The following KAZN variants were observed in gnomAD, a reference collection of about 807,000 sequenced individuals.
The protein encoded by KAZN is kazrin, periplakin interacting protein.
Under a neutral mutation model 87.4 loss-of-function variants are expected in KAZN, and 40 were observed. That is an observed-to-expected ratio of 0.46 (90% CI 0.36 to 0.60). The LOEUF (loss-of-function observed/expected upper bound fraction) is 0.60, where lower values mean the gene tolerates loss of function less well. Among genes scored for constraint, KAZN ranks in the 20% least tolerant of loss-of-function variants. The pLI, the probability that KAZN is intolerant of heterozygous loss-of-function variation, is 0.00. For synonymous variants in KAZN, 466 were observed against 458.3 expected (o/e 1.02, Z -0.22); for missense variants, 898 against 1,073.9 (o/e 0.84, Z 2.29).
At chr1:14,164,723 A>G (rs960331922) in intron 1 of KAZN, among the ~76,000 whole-genome samples, 1 of 151,922 alleles carries the variant, frequency 6.6e-6, no homozygotes, top group Non-Finnish European at 1.5e-5. Flanking sequence ...TACTTTTAGT[A>G]CAGATGGGGT....
intron 2 of KAZN, among the ~76,000 whole-genome samples, chr1:15,027,145 G>A (rs1308087902): frequency 3.0e-5 from 4 of 134,462 alleles, no homozygotes; most frequent in East Asian, 2.4e-4. Context: ...GCAGTGGCGC[G>A]ATCTCGGCTC....
intron 2 of KAZN, among the ~76,000 whole-genome samples, chr1:14,329,725 TTAAC>T (rs1212869842): frequency 6.6e-6 from 1 of 152,142 alleles, no homozygotes; most frequent in Non-Finnish European, 1.5e-5. Flanking sequence ...GCCCACTTAT[TTAAC>T]TTTCTTGGAT....
At chr1:14,227,156 A>C (rs1647363870) in intron 2 of KAZN, among the ~76,000 whole-genome samples, 1 of 152,148 alleles carries the variant, frequency 6.6e-6, no homozygotes, top group Non-Finnish European at 1.5e-5. Flanking sequence ...GACAACCTCA[A>C]ATACAGATTG....
chr1:14,153,024 A>T (rs979725632), intron 1 of KAZN, among the ~76,000 whole-genome samples: 2 of 152,152 alleles, frequency 1.3e-5, no homozygotes. Flanking sequence ...TCTTTCGCCC[A>T]CTTAAAAATC....
chr1:15,062,819 C>T (rs1638904703), intron 6 of KAZN: 1 of 152,198 alleles, frequency 6.6e-6, no homozygotes, highest in African/African-American at 2.4e-5. Context: ...GGGCTGGCAA[C>T]ACAATGGAAA....
chr1:14,931,622 A>G (rs1659836016), intron 1 of KAZN, among the ~76,000 whole-genome samples: 1 of 152,024 alleles, frequency 6.6e-6, no homozygotes, highest in South Asian at 2.1e-4. Context: ...CTCCCCCGCC[A>G]GGAATCTGGA....
chr1:14,981,726 C>T (rs746411951), intron 2 of KAZN, among the ~76,000 whole-genome samples: 4 of 152,196 alleles, frequency 2.6e-5, no homozygotes, highest in Non-Finnish European at 5.9e-5. Flanking sequence ...ACAAGCTGTG[C>T]GACTGTCCAT....
intron 2 of KAZN, among the ~76,000 whole-genome samples, chr1:14,506,408 C>T (rs998991331): frequency 3.9e-5 from 6 of 152,306 alleles, no homozygotes; most frequent in Admixed American, 2.6e-4. Flanking sequence ...CCATGATCAT[C>T]GTTTATACCT....
chr1:14,743,823 G>C (rs553674617), intron 1 of KAZN, among the ~76,000 whole-genome samples: 3 of 152,248 alleles, frequency 2.0e-5, no homozygotes, highest in African/African-American at 7.2e-5. Flanking sequence ...TCCTGGAGTT[G>C]ATCTCAGGTC....
chr1:14,525,585 A>G (rs1161207044), intron 2 of KAZN, among the ~76,000 whole-genome samples: 3 of 152,146 alleles, frequency 2.0e-5, no homozygotes, highest in Admixed American at 2.0e-4. Context: ...TGCAAACACT[A>G]TTCTTAGCTT....
At chr1:13,948,491 T>A (rs12137764) in intron 1 of KAZN, among the ~76,000 whole-genome samples, 14,462 of 152,252 alleles carry the variant, frequency 0.095, 765 homozygotes, top group Middle Eastern at 0.14. Context: ...TGAAGAACTG[T>A]GTCAATTAAA....
intron 1 of KAZN, among the ~76,000 whole-genome samples, chr1:14,744,920 C>T (rs1644218726): frequency 6.6e-6 from 1 of 152,166 alleles, no homozygotes; most frequent in Admixed American, 6.5e-5. Context: ...TCCCCAAGGT[C>T]ATCACTGCCC....
At chr1:14,680,530 G>A (rs1208530893) in intron 1 of KAZN, among the ~76,000 whole-genome samples, 1 of 152,098 alleles carries the variant, frequency 6.6e-6, no homozygotes, top group Non-Finnish European at 1.5e-5. Context: ...ATGTGCCATG[G>A]TGGTTTGCTG....
At chr1:14,280,957 T>G (rs992287696) in intron 2 of KAZN, among the ~76,000 whole-genome samples, 2 of 152,192 alleles carry the variant, frequency 1.3e-5, no homozygotes, top group African/African-American at 4.8e-5. Flanking sequence ...ACACAGGCAG[T>G]ACACAGCCAG....
chr1:14,425,372 A>G (rs1665663651), intron 2 of KAZN, among the ~76,000 whole-genome samples: 1 of 152,196 alleles, frequency 6.6e-6, no homozygotes, highest in South Asian at 2.1e-4. Flanking sequence ...CCACCCCAGA[A>G]GCCAGCTTAC....
At chr1:14,608,621 C>A (rs1001908637) in intron 1 of KAZN, among the ~76,000 whole-genome samples, 2 of 152,118 alleles carry the variant, frequency 1.3e-5, no homozygotes, top group African/African-American at 4.8e-5. Flanking sequence ...AGAGAAAGAG[C>A]GCGTCTTAAG....
At chr1:14,072,151 G>A (rs1262072767) in intron 1 of KAZN, among the ~76,000 whole-genome samples, 1 of 152,190 alleles carries the variant, frequency 6.6e-6, no homozygotes, top group African/African-American at 2.4e-5. Context: ...GATGATGGAT[G>A]AGGATGATGA....
chr1:14,289,681 T>C (rs1653530867), intron 2 of KAZN, among the ~76,000 whole-genome samples: 1 of 152,208 alleles, frequency 6.6e-6, no homozygotes, highest in South Asian at 2.1e-4. Context: ...CCCATTTACA[T>C]TTAAGGTTAA....
At chr1:14,233,320 A>G (rs533581470) in intron 2 of KAZN, among the ~76,000 whole-genome samples, 1 of 152,152 alleles carries the variant, frequency 6.6e-6, no homozygotes, top group African/African-American at 2.4e-5. Context: ...TTATTTTTGT[A>G]GAGACAGTCT....
Sources: gnomAD v4.1 joint callset for allele counts (sites outside exome capture counted in the v4.1 genomes callset) on GRCh38, gnomAD v4.1.1 for gene constraint, MANE v1.5 for transcripts, NCBI Gene and HGNC (gene_info 2026-07-23, HGNC 2026-07-21) for gene names.